The following PTPN9 variants were observed in gnomAD, a reference collection of about 807,000 sequenced individuals.
The protein encoded by PTPN9 is protein tyrosine phosphatase non-receptor type 9.
PTPN9 carries 26 observed loss-of-function variants against 69.8 expected under a neutral mutation model. The observed-to-expected ratio is 0.37, with a 90% CI of 0.27 to 0.52. PTPN9 has a LOEUF of 0.52. Ranked by LOEUF, PTPN9 falls within the 20% of genes least tolerant of loss-of-function variation. The pLI, the probability that PTPN9 is intolerant of heterozygous loss-of-function variation, is 0.91. For missense variants in PTPN9, 549 were observed against 740.3 expected (o/e 0.74, Z 3.00); for synonymous variants, 274 against 272.5 (o/e 1.01, Z -0.05).
intron 6 of PTPN9, among the ~76,000 whole-genome samples, chr15:75,508,039 CAAAAAAAAAAA>C (rs990909256): frequency 2.7e-5 from 1 of 37,380 alleles, no homozygotes; most frequent in Non-Finnish European, 4.9e-5. Flanking sequence ...GAGACACTCT[CAAAAAAAAAAA>C]AAAAAAAAAA....
At chr15:75,515,445 A>T (rs1235572523) in intron 5 of PTPN9, among the ~76,000 whole-genome samples, 14 of 151,062 alleles carry the variant, frequency 9.3e-5, no homozygotes, top group Admixed American at 9.2e-4. Context: ...AAAAAAAAAA[A>T]AGAAATCTTA....
intron 1 of PTPN9, among the ~76,000 whole-genome samples, chr15:75,537,135 T>G (rs1249214417): frequency 6.7e-6 from 1 of 149,402 alleles, no homozygotes; most frequent in Non-Finnish European, 1.5e-5. Flanking sequence ...GCGGATCACC[T>G]GAGGTCAGGA....
chr15:75,490,403 GTGGAGACATGGA>G, intron 7 of PTPN9, 102 bp from the exon 8 acceptor site: 1 of 779,280 alleles, frequency 1.3e-6, no homozygotes, highest in African/African-American at 1.7e-5. Flanking sequence ...ACTCTTAGGG[GTGGAGACATGGA>G]AGCTTTTCAA....
intron 1 of PTPN9, among the ~76,000 whole-genome samples, chr15:75,530,507 A>C (rs1365652686): frequency 1.2e-5 from 1 of 86,820 alleles, no homozygotes; most frequent in Non-Finnish European, 2.0e-5. Context: ...TTATATTATA[A>C]TATATTATAA....
rs564116876 is a variant in PTPN9, at chr15:75,495,454, T to C, written c.969-5153A>G. Among the ~76,000 whole-genome samples, 98 of 152,178 alleles carry C rather than the reference T, an allele frequency of 6.4e-4. 1 individual carries two copies. The highest frequency in any genetic ancestry group is 1.2e-3 in the Non-Finnish European group (83 of 68,034). On this transcript the variant is annotated intron_variant, in intron 7 of 12. Coordinates refer to ENST00000618819, the MANE Select transcript of PTPN9 (RefSeq NM_002833.4). ...AGGGCCAAGCACGGTGGCTCACACCTACAATCCCAGCACTTTGGGAGGCCA... is the reference window on the plus strand; with the variant it reads ...AGGGCCAAGCACGGTGGCTCACACCCACAATCCCAGCACTTTGGGAGGCCA...
At chr15:75,503,005 G>GGC in intron 7 of PTPN9, among the ~76,000 whole-genome samples, 1 of 152,230 alleles carries the variant, frequency 6.6e-6, no homozygotes, top group African/African-American at 2.4e-5. Flanking sequence ...TCTCCCAGCC[G>GGC]CCTGCCTTGG....
chr15:75,481,266 T>A (rs2074632286), intron 8 of PTPN9, among the ~76,000 whole-genome samples: 4 of 90,180 alleles, frequency 4.4e-5, no homozygotes, highest in African/African-American at 1.7e-4. Flanking sequence ...GAGGAGCCTC[T>A]CCGCCCGGCA....
intron 8 of PTPN9, chr15:75,480,613 G>A (rs1372454056): frequency 3.6e-5 from 41 of 1,151,344 alleles, no homozygotes; most frequent in South Asian, 7.8e-5. Context: ...GGGCAGTGCG[G>A]AGCCGGGACA....
chr15:75,465,337 C>T lies in PTPN9; in HGVS notation c.*3432G>A, dbSNP rs1327590027. On this transcript the variant is annotated 3_prime_UTR_variant, in exon 13 of 13. Transcript: ENST00000618819. The stretch of plus-strand genomic sequence containing the variant: ...CAGGCTGGTCTCAAACTCCTGACCT[C>T]AGGTGATCTGCCCACCTCGGCCTTC... 6.6e-6 allele frequency: 1 copy of T among 152,176 alleles called. No homozygotes were observed. The highest frequency in any genetic ancestry group is 1.5e-5 in the Non-Finnish European group (1 of 68,060). 9.4% of individuals were successfully genotyped at this position (152,176 alleles called of 1,614,324 possible).
chr15:75,483,878 G>A (rs1166816575), intron 8 of PTPN9, among the ~76,000 whole-genome samples: 1 of 152,164 alleles, frequency 6.6e-6, no homozygotes, highest in Non-Finnish European at 1.5e-5. Flanking sequence ...AGTGTTTCTT[G>A]TAGTTAGGCA....
chr15:75,471,294 A>G (rs546004119), intron 10 of PTPN9, among the ~76,000 whole-genome samples: 4 of 152,142 alleles, frequency 2.6e-5, no homozygotes, highest in East Asian at 1.9e-4. Flanking sequence ...AAAAGAAAAA[A>G]AAAGAGTAGA....
At chr15:75,577,677 G>A (rs1200123453) in intron 1 of PTPN9, among the ~76,000 whole-genome samples, 1 of 152,248 alleles carries the variant, frequency 6.6e-6, no homozygotes, top group African/African-American at 2.4e-5. Flanking sequence ...ACTAGAGGCT[G>A]TGCTAGCAAA....
chr15:75,491,402 CAAA>C (rs11414287), intron 7 of PTPN9, among the ~76,000 whole-genome samples: 1 of 132,222 alleles, frequency 7.6e-6, no homozygotes, highest in Admixed American at 7.8e-5. Flanking sequence ...GACTTTATCT[CAAA>C]AAAAAAAAAA....
At chr15:75,483,365 ATAT>A (rs1336768067) in intron 8 of PTPN9, among the ~76,000 whole-genome samples, 1 of 152,230 alleles carries the variant, frequency 6.6e-6, no homozygotes, top group Middle Eastern at 3.2e-3. Flanking sequence ...ATACAATGGA[ATAT>A]TATTTGGCAG....
intron 1 of PTPN9, among the ~76,000 whole-genome samples, chr15:75,573,702 A>G (rs2075159198): frequency 6.6e-6 from 1 of 152,248 alleles, no homozygotes; most frequent in Non-Finnish European, 1.5e-5. Context: ...AGTGCCAGTC[A>G]TTATGTCAGT....
chr15:75,511,086 T>G (rs1337017541), intron 5 of PTPN9, among the ~76,000 whole-genome samples: 1 of 152,208 alleles, frequency 6.6e-6, no homozygotes, highest in African/African-American at 2.4e-5. Context: ...TCCTCATAAA[T>G]ATACCACATT....
At chr15:75,505,102 G>A (rs1366302745) in intron 7 of PTPN9, among the ~76,000 whole-genome samples, 2 of 152,120 alleles carry the variant, frequency 1.3e-5, no homozygotes, top group African/African-American at 4.8e-5. Context: ...TTTTCATTTT[G>A]TTCTGTACTA....
intron 1 of PTPN9, among the ~76,000 whole-genome samples, chr15:75,567,260 C>T (rs1409586295): frequency 1.3e-5 from 2 of 152,060 alleles, no homozygotes; most frequent in Non-Finnish European, 2.9e-5. Context: ...TCAGGTGATC[C>T]GACTGCCTTG....
intron 1 of PTPN9, among the ~76,000 whole-genome samples, chr15:75,547,770 A>G (rs1567516763): frequency 6.6e-6 from 1 of 151,816 alleles, no homozygotes. Flanking sequence ...GGTTCAAGCA[A>G]TTCTCCTGCC....
Sources: allele counts gnomAD v4.1 joint callset (sites outside exome capture counted in the v4.1 genomes callset), GRCh38; gene constraint gnomAD v4.1.1; transcripts MANE v1.5; gene names NCBI Gene and HGNC (gene_info 2026-07-23, HGNC 2026-07-21).